The following MARCHF1 variants were observed in gnomAD, a reference collection of about 807,000 sequenced individuals.
MARCHF1 encodes E3 ubiquitin-protein ligase MARCHF1.
Under a neutral mutation model 54.2 loss-of-function variants are expected in MARCHF1, and 40 were observed. The observed-to-expected ratio is 0.74, with a 90% CI of 0.57 to 0.96. MARCHF1 has a LOEUF of 0.96. Among genes scored for constraint, MARCHF1 ranks in the 40% least tolerant of loss-of-function variants. The probability of loss-of-function intolerance (pLI) is 0.00; values close to 1 mark genes in which losing one functional copy is unlikely to be tolerated. For missense variants in MARCHF1, 586 were observed against 656.5 expected (o/e 0.89, Z 1.17); for synonymous variants, 236 against 236.3 (o/e 1.00, Z 0.01).
chr4:163,731,222 C>T (rs1379311557), intron 4 of MARCHF1, among the ~76,000 whole-genome samples: 6 of 152,192 alleles, frequency 3.9e-5, no homozygotes, highest in Middle Eastern at 3.4e-3. Flanking sequence ...ATTCAGGCCA[C>T]GGAAAAACAG....
intron 3 of MARCHF1, among the ~76,000 whole-genome samples, chr4:163,902,342 C>T (rs1750962053): frequency 6.6e-6 from 1 of 152,020 alleles, no homozygotes; most frequent in South Asian, 2.1e-4. Flanking sequence ...GATTTGATAC[C>T]ACAATTAGAG....
At chr4:163,875,462 A>G (rs1015016847) in intron 3 of MARCHF1, among the ~76,000 whole-genome samples, 7 of 152,134 alleles carry the variant, frequency 4.6e-5, no homozygotes, top group African/African-American at 1.7e-4. Flanking sequence ...TCTCAATATG[A>G]AAGAAAATCC....
chr4:163,966,618 G>A (rs775716504), intron 3 of MARCHF1, among the ~76,000 whole-genome samples: 1 of 152,084 alleles, frequency 6.6e-6, no homozygotes, highest in Admixed American at 6.6e-5. Flanking sequence ...TAATATATTA[G>A]GGCTTTTTCC....
In MARCHF1 at chr4:164,176,941, GC is replaced by G. The variant is rs1730680510; in HGVS notation, c.-322-65280del. 3.4e-5 allele frequency among the ~76,000 whole-genome samples: 2 copies of G among 58,134 alleles called. 1 individual carries two copies. Among genetic ancestry groups the G allele is most frequent in the African/African-American group, 8.9e-5 (2 of 22,574 alleles). The allele number at this position is 58,134 out of a possible 152,430, so 38.1% of individuals were successfully genotyped here. On this transcript the variant is annotated intron_variant, in intron 1 of 9. Transcript: ENST00000514618. Reference sequence around the variant, plus strand: ...TGTTATTTATCTGAGTACCTTGTGCGCTCTCTCTCTCTCTCTCTCTCTCTCT... The same window carrying G: ...TGTTATTTATCTGAGTACCTTGTGCGTCTCTCTCTCTCTCTCTCTCTCTCT...
chr4:164,222,614 G>C (rs952512067), intron 1 of MARCHF1, among the ~76,000 whole-genome samples: 1 of 151,772 alleles, frequency 6.6e-6, no homozygotes, highest in Non-Finnish European at 1.5e-5. Flanking sequence ...AAGGCAGAGA[G>C]AAAAAGAGAA....
chr4:164,348,838 A>C (rs953912544), intron 1 of MARCHF1, among the ~76,000 whole-genome samples: 3 of 152,112 alleles, frequency 2.0e-5, no homozygotes, highest in Admixed American at 1.3e-4. Context: ...TTGAAATACT[A>C]CTATATTGCT....
chr4:164,101,780 TGA>T (rs1553982022), intron 2 of MARCHF1, among the ~76,000 whole-genome samples: 1 of 146,426 alleles, frequency 6.8e-6, no homozygotes, highest in Non-Finnish European at 1.5e-5. Context: ...TTTGACGAGC[TGA>T]GAGAAGAAGG....
In MARCHF1 at chr4:163,959,343, C is replaced by A. The variant is rs1030721241; in HGVS notation, c.-39+29158G>T. On this transcript the variant is annotated intron_variant, in intron 3 of 9. Coordinates refer to ENST00000514618, the MANE Select transcript of MARCHF1 (RefSeq NM_001394959.1). The stretch of plus-strand genomic sequence containing the variant: ...CAACAACAACAACAAAAAAAAAAAA[C>A]AACAAAAAAACAAAAAACACAAAAC... Among the ~76,000 whole-genome samples, 12 of 148,962 alleles carry A rather than the reference C, an allele frequency of 8.1e-5. No homozygotes were observed. The South Asian group carries it at 1.9e-3, about 24-fold the overall frequency.
chr4:164,100,335 G>T (rs1270896108), intron 2 of MARCHF1, among the ~76,000 whole-genome samples: 1 of 152,202 alleles, frequency 6.6e-6, no homozygotes, highest in African/African-American at 2.4e-5. Context: ...GCTTTTGACG[G>T]TATGTGGTAT....
intron 1 of MARCHF1, among the ~76,000 whole-genome samples, chr4:164,245,025 A>G (rs546861131): frequency 6.6e-6 from 1 of 152,332 alleles, no homozygotes; most frequent in East Asian, 1.9e-4. Flanking sequence ...ATTCTACCAG[A>G]GGTACAAGGA....
chr4:163,782,844 T>C (rs953362004), intron 4 of MARCHF1, among the ~76,000 whole-genome samples: 1 of 152,066 alleles, frequency 6.6e-6, no homozygotes, highest in Non-Finnish European at 1.5e-5. Context: ...GGATTTAGAA[T>C]TTTGGTCTCC....
chr4:163,711,926 T>C (rs995458550), intron 4 of MARCHF1, among the ~76,000 whole-genome samples: 1 of 152,208 alleles, frequency 6.6e-6, no homozygotes, highest in Non-Finnish European at 1.5e-5. Flanking sequence ...CTTATCATTA[T>C]TACTAATTTT....
At chr4:163,778,895 C>T (rs763184215) in intron 4 of MARCHF1, among the ~76,000 whole-genome samples, 11 of 151,918 alleles carry the variant, frequency 7.2e-5, no homozygotes, top group African/African-American at 9.7e-5. Context: ...GATTATGTAA[C>T]GGGTACAATG....
intron 1 of MARCHF1, among the ~76,000 whole-genome samples, chr4:164,287,853 T>A (rs913433612): frequency 6.6e-6 from 1 of 152,174 alleles, no homozygotes; most frequent in Admixed American, 6.5e-5. Context: ...CATAATTACA[T>A]AAAGTTTTGC....
At chr4:163,638,257 A>G (rs1742420126) in intron 5 of MARCHF1, among the ~76,000 whole-genome samples, 1 of 144,420 alleles carries the variant, frequency 6.9e-6, no homozygotes, top group African/African-American at 2.5e-5. Context: ...AAAAAAATTA[A>G]AAAAAAAAAA....
At chr4:163,766,903 T>C (rs1746992415) in intron 4 of MARCHF1, among the ~76,000 whole-genome samples, 1 of 152,116 alleles carries the variant, frequency 6.6e-6, no homozygotes, top group South Asian at 2.1e-4. Flanking sequence ...TACTCATATG[T>C]AAAAAATAGT....
At chr4:163,911,882 C>T (rs572818973) in intron 3 of MARCHF1, among the ~76,000 whole-genome samples, 3 of 152,088 alleles carry the variant, frequency 2.0e-5, no homozygotes, top group East Asian at 3.9e-4. Flanking sequence ...AGACTTGTAG[C>T]CCCCAGAACT....
At chr4:164,189,559 C>T (rs879050074) in intron 1 of MARCHF1, 1 of 913,358 alleles carries the variant, frequency 1.1e-6, no homozygotes, top group Non-Finnish European at 1.8e-6. Flanking sequence ...AGCTGTAGTG[C>T]ATGGTGCTGC....
At chr4:164,200,386 T>C (rs1281197439) in intron 1 of MARCHF1, among the ~76,000 whole-genome samples, 1 of 152,192 alleles carries the variant, frequency 6.6e-6, no homozygotes, top group Non-Finnish European at 1.5e-5. Flanking sequence ...CCCTCTAATA[T>C]ATTGTGCTCT....
Sources: allele counts gnomAD v4.1 joint callset (sites outside exome capture counted in the v4.1 genomes callset), GRCh38; gene constraint gnomAD v4.1.1; transcripts MANE v1.5; gene names NCBI Gene and HGNC (gene_info 2026-07-23, HGNC 2026-07-21).